Variants in RASSF8 observed in about 807,000 individuals in gnomAD.
RASSF8 encodes Ras association domain family member 8, also known as ras association domain-containing protein 8.
Under a neutral mutation model 48.5 loss-of-function variants are expected in RASSF8, and 22 were observed. The ratio of observed to expected loss-of-function variants is 0.45; its 90% confidence interval spans 0.32 to 0.65. The LOEUF is 0.65. RASSF8 is among the 30% of genes least tolerant of loss of function. The pLI is 0.03. For synonymous variants in RASSF8, 127 were observed against 171.5 expected (o/e 0.74, Z 2.03); for missense variants, 418 against 489.2 (o/e 0.85, Z 1.37).
intron 3 of RASSF8, among the ~76,000 whole-genome samples, chr12:26,056,624 G>T (rs1177371532): frequency 6.6e-6 from 1 of 152,238 alleles, no homozygotes; most frequent in African/African-American, 2.4e-5. Context: ...TGATGTGGCA[G>T]ATGCACTGTT....
At position 26,072,615 on chromosome 12, in the gene RASSF8, A is replaced by G. The variant is rs889192467; in HGVS notation, c.*3797A>G. ...TGTATTTCTCAATATGTTTTTCTTTATTGACCCTAGGAGGATTTGAGTTGC... is the reference window on the plus strand; with the variant it reads ...TGTATTTCTCAATATGTTTTTCTTTGTTGACCCTAGGAGGATTTGAGTTGC... On this transcript the variant is annotated 3_prime_UTR_variant, in exon 6 of 6. Transcript: ENST00000689635. The G allele has an allele frequency of 1.0e-5, 10 of 985,172 alleles. No individual in the cohort carries two copies. In the African/African-American group the frequency reaches 1.7e-4, roughly 17 times the overall value. The allele number at this position is 985,172 out of a possible 1,614,324, so 61.0% of individuals were successfully genotyped here.
Position 26,065,534 on chromosome 12 carries a change from T to TAG in RASSF8, c.993+148_993+149insGA. The TAG allele has an allele frequency of 2.9e-6, 3 of 1,031,528 alleles. No individual in the cohort carries two copies. The African/African-American group carries it at 4.9e-5, about 17-fold the overall frequency. 63.9% of individuals were successfully genotyped at this position (1,031,528 alleles called of 1,614,324 possible). On this transcript the variant is annotated intron_variant, in intron 4 of 5. Coordinates refer to ENST00000689635, the MANE Select transcript of RASSF8 (RefSeq NM_001394098.1). ...AAACTTTTGTCGAACTCTTGTGACT[T>TAG]ACGACAGCTTAGATGGGAGCAGTAG...
chr12:25,986,411 T>A (rs974557211), intron 1 of RASSF8, among the ~76,000 whole-genome samples: 8 of 152,246 alleles, frequency 5.3e-5, no homozygotes, highest in Admixed American at 1.3e-4. Flanking sequence ...ATGTTTGCTG[T>A]TATCTGTGTT....
rs1941157645 is a variant in RASSF8, at chr12:25,959,070, C to T, written c.-281C>T. ...GGACGGGCGCTGGGCGGCCGCGGAG[C>T]TCCGGGTGCCGCCGCGTCCCCAGCG... On this transcript the variant is annotated 5_prime_UTR_variant, in exon 1 of 6. Coordinates refer to ENST00000689635, the MANE Select transcript of RASSF8 (RefSeq NM_001394098.1). 6.7e-6 allele frequency: 1 copy of T among 148,560 alleles called. No individual in the cohort carries two copies. The highest frequency in any genetic ancestry group is 6.7e-5 in the Admixed American group (1 of 14,944). 9.2% of individuals were successfully genotyped at this position (148,560 alleles called of 1,614,324 possible). A position where few individuals can be genotyped will look rare whatever the true frequency, so the allele number is the denominator to read the frequency against.
At position 26,071,747 on chromosome 12, in the gene RASSF8, A is replaced by G. The variant is rs1393045136; in HGVS notation, c.*2929A>G. On this transcript the variant is annotated 3_prime_UTR_variant, in exon 6 of 6. Transcript: ENST00000689635. ...ATCAATGAGGTAATCATCAATTCCT[A>G]TAGTTCAAATTAGTCATAAACAAGA... 6 of 983,862 alleles carry G rather than the reference A, an allele frequency of 6.1e-6. No homozygotes were observed. Among genetic ancestry groups the G allele is most frequent in the South Asian group, 4.7e-5 (1 of 21,256 alleles). The allele number at this position is 983,862 out of a possible 1,614,324, so 60.9% of individuals were successfully genotyped here.
chr12:26,063,035 A>G (rs943514855), intron 3 of RASSF8, among the ~76,000 whole-genome samples: 6 of 152,282 alleles, frequency 3.9e-5, no homozygotes, highest in South Asian at 2.1e-4. Flanking sequence ...AATTACATAC[A>G]TGGGTGTTGA....
intron 4 of RASSF8, among the ~76,000 whole-genome samples, chr12:26,067,127 G>A (rs1461286022): frequency 6.6e-6 from 1 of 152,210 alleles, no homozygotes; most frequent in Non-Finnish European, 1.5e-5. Flanking sequence ...ATATGAAGTG[G>A]TTAATATGTA....
rs116148481 is a variant in RASSF8, at chr12:25,971,541, A to G, written c.-203+12393A>G. Among the ~76,000 whole-genome samples, 782 of 152,210 alleles carry G rather than the reference A, an allele frequency of 5.1e-3. 3 individuals carry two copies. Among genetic ancestry groups the G allele is most frequent in the African/African-American group, 0.018 (741 of 41,534 alleles). ...GCTTGTACTTCATCCTTTGCCCTCCAGGAGTCTTCCTAGTTTTCATTTCAT... is the reference window on the plus strand; with the variant it reads ...GCTTGTACTTCATCCTTTGCCCTCCGGGAGTCTTCCTAGTTTTCATTTCAT... On this transcript the variant is annotated intron_variant, in intron 1 of 5. Transcript: ENST00000689635.
At chr12:26,005,481 G>A (rs183623075) in intron 2 of RASSF8, among the ~76,000 whole-genome samples, 66 of 152,278 alleles carry the variant, frequency 4.3e-4, no homozygotes, top group African/African-American at 1.5e-3. Flanking sequence ...TATTGAGACC[G>A]TGCCTATATT....
chr12:26,002,680 C>T (rs752825061), intron 2 of RASSF8, among the ~76,000 whole-genome samples: 22 of 152,146 alleles, frequency 1.4e-4, no homozygotes, highest in Non-Finnish European at 1.5e-5. Flanking sequence ...GAGGCTGACA[C>T]AGGAGAATCA....
exon 6 of RASSF8, chr12:26,079,074 A>C: frequency 6.5e-7 from 1 of 1,543,726 alleles, no homozygotes. Flanking sequence ...TAAAGATTAG[A>C]TATCACACCA....
Position 26,072,381 on chromosome 12 carries a change from G to T in RASSF8, c.*3563G>T, listed in dbSNP as rs1288071974. ...TACATCTCCAGAATAAGCTTTCGAT[G>T]CCAGGACAGTGACTGCCTGAAAGCT... is the stretch of plus-strand genomic sequence containing the variant. On this transcript the variant is annotated 3_prime_UTR_variant, in exon 6 of 6. Transcript: ENST00000689635. The T allele has an allele frequency of 8.1e-6, 8 of 984,952 alleles. No individual in the cohort carries two copies. The highest frequency in any genetic ancestry group is 8.4e-6 in the Non-Finnish European group (7 of 829,664). 61.0% of individuals were successfully genotyped at this position (984,952 alleles called of 1,614,324 possible).
chr12:25,990,288 T>C (rs986970114), intron 1 of RASSF8, among the ~76,000 whole-genome samples: 3 of 152,262 alleles, frequency 2.0e-5, no homozygotes, highest in Non-Finnish European at 4.4e-5. Context: ...TGAACTCTGC[T>C]GTAGCTTTTT....
chr12:25,995,305 A>G (rs1014377989), intron 2 of RASSF8, among the ~76,000 whole-genome samples, 175 bp downstream of exon 2: 2 of 152,226 alleles, frequency 1.3e-5, no homozygotes, highest in African/African-American at 4.8e-5. Flanking sequence ...GACTAAGTAT[A>G]GGTGGTGATA....
chr12:26,015,171 T>C (rs1274768625), intron 2 of RASSF8, among the ~76,000 whole-genome samples: 3 of 150,858 alleles, frequency 2.0e-5, no homozygotes, highest in Non-Finnish European at 4.4e-5. Flanking sequence ...CGTGCCATCG[T>C]ACTCCAGCCT....
Position 26,022,951 on chromosome 12 carries a change from T to TG in RASSF8, c.-109+27823dup, listed in dbSNP as rs557667201. On this transcript the variant is annotated intron_variant, in intron 2 of 5. Coordinates refer to ENST00000689635, the MANE Select transcript of RASSF8 (RefSeq NM_001394098.1). ...TAGTAGAGACGGGGTTTTTCCATGT[T>TG]GGTCAGGCTGGTCTCAAACTCGCGA... Among the ~76,000 whole-genome samples the TG allele has an allele frequency of 8.2e-4, 125 of 152,294 alleles. 1 individual carries two copies. The highest frequency in any genetic ancestry group is 3.4e-3 in the Middle Eastern group (1 of 294).
chr12:26,047,039 A>G (rs16929953), intron 2 of RASSF8, among the ~76,000 whole-genome samples: 5,933 of 152,296 alleles, frequency 0.039, 150 homozygotes, highest in African/African-American at 0.067. Context: ...CTCTAATCCC[A>G]GTTCTGAGAG....
chr12:25,970,330 G>T (rs1470562144), intron 1 of RASSF8, among the ~76,000 whole-genome samples: 1 of 152,126 alleles, frequency 6.6e-6, no homozygotes, highest in East Asian at 1.9e-4. Flanking sequence ...CTCGGGATCA[G>T]TGTGTCACCT....
chr12:25,994,848 C>T (rs868780415), intron 1 of RASSF8, among the ~76,000 whole-genome samples, 189 bp from the exon 2 acceptor site: 34 of 152,248 alleles, frequency 2.2e-4, no homozygotes, highest in Middle Eastern at 3.4e-3. Context: ...ACAAACCCAC[C>T]CCACAAGGAC....
Sources: allele counts gnomAD v4.1 joint callset (sites outside exome capture counted in the v4.1 genomes callset), GRCh38; gene constraint gnomAD v4.1.1; transcripts MANE v1.5; gene names NCBI Gene and HGNC (gene_info 2026-07-23, HGNC 2026-07-21).